SEMA6D: variants seen among roughly 807,000 people sequenced by gnomAD.
SEMA6D encodes semaphorin 6D, also known as semaphorin-6D.
In SEMA6D, 35 loss-of-function variants were observed where a neutral mutation model predicts 106.6. That is an observed-to-expected ratio of 0.33 (90% confidence interval 0.25 to 0.44). The LOEUF (loss-of-function observed/expected upper bound fraction) is 0.44, where lower values mean the gene tolerates loss of function less well. Ranked by LOEUF, SEMA6D falls within the 20% of genes least tolerant of loss-of-function variation. The probability of loss-of-function intolerance (pLI) is 1.00; values close to 1 mark genes in which losing one functional copy is unlikely to be tolerated. For synonymous variants in SEMA6D, 499 were observed against 487.7 expected, an observed-to-expected ratio of 1.02 and a Z score of -0.31; for missense variants, 1,185 against 1,345.9, an observed-to-expected ratio of 0.88 and a Z score of 1.87.
intron 1 of SEMA6D, among the ~76,000 whole-genome samples, chr15:47,328,413 G>T (rs985785795): frequency 6.6e-6 from 1 of 152,096 alleles, no homozygotes; most frequent in African/African-American, 2.4e-5. Flanking sequence ...TTATGCTGTT[G>T]GGCAGTTAAC....
chr15:47,395,044 C>T (rs1027703888), intron 1 of SEMA6D, among the ~76,000 whole-genome samples: 26 of 151,924 alleles, frequency 1.7e-4, no homozygotes, highest in African/African-American at 2.9e-4. Context: ...CTTTCCTGGA[C>T]AGTTTTAAAA....
At chr15:47,632,339 G>A (rs1460135776) in intron 4 of SEMA6D, among the ~76,000 whole-genome samples, 1 of 151,850 alleles carries the variant, frequency 6.6e-6, no homozygotes, top group African/African-American at 2.4e-5. Flanking sequence ...TAATTGTATT[G>A]TTCAGATCTT....
intron 3 of SEMA6D, among the ~76,000 whole-genome samples, chr15:47,495,474 C>T (rs1046494528): frequency 1.3e-5 from 2 of 151,726 alleles, no homozygotes; most frequent in Admixed American, 1.3e-4. Flanking sequence ...CCTTCCTTTC[C>T]CCTAATAGTT....
At chr15:47,287,547 C>CAAAAAA (rs1206560400) in intron 1 of SEMA6D, among the ~76,000 whole-genome samples, 66 of 152,252 alleles carry the variant, frequency 4.3e-4, no homozygotes, top group African/African-American at 1.5e-3. Flanking sequence ...TAGAAAAAGG[C>CAAAAAA]AAATGGAAGT....
intron 4 of SEMA6D, among the ~76,000 whole-genome samples, chr15:47,655,972 C>G (rs971676593): frequency 2.0e-4 from 30 of 152,228 alleles, no homozygotes; most frequent in African/African-American, 7.0e-4. Context: ...TTTATTTCAG[C>G]TCTAATACTG....
At chr15:47,360,740 G>A (rs2038774110) in intron 1 of SEMA6D, among the ~76,000 whole-genome samples, 1 of 152,138 alleles carries the variant, frequency 6.6e-6, no homozygotes, top group Non-Finnish European at 1.5e-5. Flanking sequence ...TACCTCCACT[G>A]ATTAATTAAA....
At chr15:47,309,414 G>T in intron 1 of SEMA6D, among the ~76,000 whole-genome samples, 1 of 152,050 alleles carries the variant, frequency 6.6e-6, no homozygotes, top group Non-Finnish European at 1.5e-5. Context: ...ATCAACTGTT[G>T]GGGTATCACA....
intron 1 of SEMA6D, among the ~76,000 whole-genome samples, chr15:47,754,792 T>C (rs990006438): frequency 1.4e-5 from 2 of 143,356 alleles, no homozygotes; most frequent in Non-Finnish European, 3.2e-5. Flanking sequence ...TCTCTTACTC[T>C]CTTGTCTGTT....
At chr15:47,194,266 G>A (rs777600137) in intron 1 of SEMA6D, among the ~76,000 whole-genome samples, 1 of 152,080 alleles carries the variant, frequency 6.6e-6, no homozygotes, top group Admixed American at 6.5e-5. Flanking sequence ...AGATACAGAA[G>A]GTTAAGTTAT....
At chr15:47,412,218 GA>G (rs911521456) in intron 1 of SEMA6D, among the ~76,000 whole-genome samples, 2 of 150,862 alleles carry the variant, frequency 1.3e-5, no homozygotes, top group East Asian at 1.9e-4. Context: ...GCAGAGAGAG[GA>G]AAAAAAAAGA....
chr15:47,197,247 G>A (rs73397042), intron 1 of SEMA6D, among the ~76,000 whole-genome samples: 1 of 152,082 alleles, frequency 6.6e-6, no homozygotes, highest in African/African-American at 2.4e-5. Context: ...ATTTGATGCT[G>A]TACCCTGTAT....
At chr15:47,271,056 C>T (rs1052815180) in intron 1 of SEMA6D, among the ~76,000 whole-genome samples, 2 of 152,112 alleles carry the variant, frequency 1.3e-5, no homozygotes, top group African/African-American at 2.4e-5. Context: ...ATTTACAGTC[C>T]TCATTTTGTC....
At chr15:47,263,505 T>C (rs1288308688) in intron 1 of SEMA6D, among the ~76,000 whole-genome samples, 1 of 152,116 alleles carries the variant, frequency 6.6e-6, no homozygotes, top group Admixed American at 6.6e-5. Flanking sequence ...AGACACCATC[T>C]TATACCAGTC....
At chr15:47,219,965 G>T (rs921416495) in intron 1 of SEMA6D, among the ~76,000 whole-genome samples, 1 of 152,140 alleles carries the variant, frequency 6.6e-6, no homozygotes, top group South Asian at 2.1e-4. Context: ...TCTAATCCAC[G>T]TAGTGTCTCA....
At chr15:47,443,037 A>C (rs1436545617) in intron 2 of SEMA6D, among the ~76,000 whole-genome samples, 1 of 152,148 alleles carries the variant, frequency 6.6e-6, no homozygotes, top group Admixed American at 6.6e-5. Flanking sequence ...AAGAGAGAGC[A>C]CCAACTAGAA....
At chr15:47,754,444 T>G (rs1279099379) in intron 1 of SEMA6D, among the ~76,000 whole-genome samples, 1 of 152,228 alleles carries the variant, frequency 6.6e-6, no homozygotes, top group East Asian at 1.9e-4. Context: ...AAATTTATTT[T>G]CTTTCAGCAA....
intron 1 of SEMA6D, among the ~76,000 whole-genome samples, chr15:47,256,141 T>C (rs62014032): frequency 0.012 from 1,777 of 152,318 alleles, 33 homozygotes; most frequent in Admixed American, 0.012. Context: ...ATTCTTTTCA[T>C]ATTATTCCTC....
intron 1 of SEMA6D, among the ~76,000 whole-genome samples, chr15:47,212,241 A>G (rs1401897501): frequency 1.3e-5 from 2 of 152,240 alleles, no homozygotes; most frequent in African/African-American, 2.4e-5. Flanking sequence ...TAAAATTGAA[A>G]TGATGACTTA....
intron 4 of SEMA6D, among the ~76,000 whole-genome samples, chr15:47,634,615 A>G (rs12898538): frequency 0.3 from 45,498 of 152,048 alleles, 7,546 homozygotes; most frequent in East Asian, 0.45. Context: ...TAGACAGGGG[A>G]ACAGAAATAT....
Sources: gnomAD v4.1 joint callset for allele counts (sites outside exome capture counted in the v4.1 genomes callset) on GRCh38, gnomAD v4.1.1 for gene constraint, MANE v1.5 for transcripts, NCBI Gene and HGNC (gene_info 2026-07-23, HGNC 2026-07-21) for gene names.